The following EPHA6 variants were observed in gnomAD, a reference collection of about 807,000 sequenced individuals.
EPHA6 encodes the protein EPH receptor A6.
EPHA6 carries 50 observed loss-of-function variants against 112.0 expected under a neutral mutation model. The ratio of observed to expected loss-of-function variants is 0.45; its 90% CI spans 0.36 to 0.56. The LOEUF is 0.56. Ranked by LOEUF, EPHA6 falls within the 20% of genes least tolerant of loss-of-function variation. EPHA6 has a pLI of 0.00. For missense variants in EPHA6, 1,280 were observed against 1,417.4 expected (o/e 0.90, Z 1.56); for synonymous variants, 529 against 490.7 (o/e 1.08, Z -1.03).
At chr3:97,365,195 C>A (rs945630523) in intron 5 of EPHA6, among the ~76,000 whole-genome samples, 13 of 152,018 alleles carry the variant, frequency 8.6e-5, no homozygotes, top group African/African-American at 3.1e-4. Context: ...TCATTTAGAA[C>A]TTCTACAGTA....
At chr3:97,085,939 A>ATATATATATC in intron 3 of EPHA6, among the ~76,000 whole-genome samples, 1 of 144,556 alleles carries the variant, frequency 6.9e-6, no homozygotes, top group Admixed American at 6.8e-5. Flanking sequence ...ATATATATAT[A>ATATATATATC]TATATATATA....
At chr3:97,392,218 G>T (rs1035719177) in intron 5 of EPHA6, among the ~76,000 whole-genome samples, 1 of 151,736 alleles carries the variant, frequency 6.6e-6, no homozygotes, top group African/African-American at 2.4e-5. Context: ...GTTAAGATTA[G>T]GTTTACGTAG....
intron 14 of EPHA6, among the ~76,000 whole-genome samples, chr3:97,704,918 A>G (rs2033599425): frequency 6.6e-6 from 1 of 152,158 alleles, no homozygotes; most frequent in Admixed American, 6.6e-5. Flanking sequence ...CTTTCTAGAC[A>G]TGGCAAGATT....
At chr3:97,087,345 A>T (rs2046934511) in intron 3 of EPHA6, among the ~76,000 whole-genome samples, 1 of 152,142 alleles carries the variant, frequency 6.6e-6, no homozygotes, top group African/African-American at 2.4e-5. Flanking sequence ...CCTTTGGAAG[A>T]GCAGCAAGGG....
intron 13 of EPHA6, among the ~76,000 whole-genome samples, chr3:97,636,580 A>T (rs1190418033): frequency 6.6e-6 from 1 of 152,084 alleles, no homozygotes; most frequent in East Asian, 1.9e-4. Flanking sequence ...TCAGAGAGAT[A>T]AGTTGATAGA....
At chr3:96,903,026 G>T (rs2038704043) in intron 2 of EPHA6, among the ~76,000 whole-genome samples, 1 of 152,130 alleles carries the variant, frequency 6.6e-6, no homozygotes, top group Non-Finnish European at 1.5e-5. Flanking sequence ...TAAGGACCAA[G>T]AAGAAACAAA....
intron 14 of EPHA6, among the ~76,000 whole-genome samples, chr3:97,713,839 C>T (rs1283991099): frequency 6.6e-6 from 1 of 152,210 alleles, no homozygotes; most frequent in East Asian, 1.9e-4. Context: ...AGCACTCAAC[C>T]ATAAATGATA....
intron 5 of EPHA6, among the ~76,000 whole-genome samples, chr3:97,317,859 T>G (rs192262044): frequency 6.6e-6 from 1 of 152,056 alleles, no homozygotes; most frequent in East Asian, 1.9e-4. Context: ...CAAAGAGCAA[T>G]TCACACAGAA....
intron 14 of EPHA6, among the ~76,000 whole-genome samples, chr3:97,697,642 A>G (rs1439698697): frequency 6.6e-6 from 1 of 152,220 alleles, no homozygotes; most frequent in Non-Finnish European, 1.5e-5. Context: ...CACTGGTTAG[A>G]TCATGATGAA....
intron 11 of EPHA6, among the ~76,000 whole-genome samples, chr3:97,575,678 C>T (rs1429817716): frequency 6.6e-6 from 1 of 152,074 alleles, no homozygotes; most frequent in Non-Finnish European, 1.5e-5. Flanking sequence ...ATTTTTAAAT[C>T]TGTGGGGAGC....
intron 3 of EPHA6, among the ~76,000 whole-genome samples, chr3:97,069,486 G>C (rs192936654): frequency 2.2e-4 from 33 of 152,210 alleles, no homozygotes; most frequent in Admixed American, 2.0e-3. Flanking sequence ...GAAACCCTAA[G>C]GGTGTTGCAT....
intron 2 of EPHA6, among the ~76,000 whole-genome samples, chr3:96,917,666 A>G (rs967599646): frequency 2.0e-5 from 3 of 152,050 alleles, no homozygotes; most frequent in African/African-American, 7.2e-5. Context: ...AGGAATTCAT[A>G]CAGAGACTTG....
chr3:97,066,990 C>G (rs2046199409), intron 3 of EPHA6, among the ~76,000 whole-genome samples: 1 of 152,084 alleles, frequency 6.6e-6, no homozygotes, highest in African/African-American at 2.4e-5. Flanking sequence ...GGAAGTCTCT[C>G]TCTTTTTTTA....
intron 12 of EPHA6, among the ~76,000 whole-genome samples, chr3:97,608,462 G>A (rs900853146): frequency 2.6e-5 from 4 of 151,304 alleles, no homozygotes; most frequent in African/African-American, 9.7e-5. Context: ...GAGAAACCCA[G>A]TGAATGAGGA....
intron 3 of EPHA6, among the ~76,000 whole-genome samples, chr3:97,060,818 G>A (rs1019166994): frequency 2.7e-5 from 4 of 150,896 alleles, no homozygotes; most frequent in South Asian, 4.2e-4. Flanking sequence ...CAGCTACTCC[G>A]GAGGCTGAGG....
At chr3:97,014,501 T>A (rs1389939935) in intron 3 of EPHA6, among the ~76,000 whole-genome samples, 1 of 152,144 alleles carries the variant, frequency 6.6e-6, no homozygotes, top group Non-Finnish European at 1.5e-5. Context: ...CAAAACTTAT[T>A]TGGAGGAAAT....
chr3:97,277,927 T>G (rs2108656287), intron 5 of EPHA6, among the ~76,000 whole-genome samples: 1 of 152,302 alleles, frequency 6.6e-6, no homozygotes, highest in African/African-American at 2.4e-5. Context: ...AAGAAAGTAA[T>G]TATGCTACAA....
At chr3:96,981,559 T>C (rs189503354) in intron 2 of EPHA6, among the ~76,000 whole-genome samples, 1 of 152,276 alleles carries the variant, frequency 6.6e-6, no homozygotes, top group Admixed American at 6.5e-5. Flanking sequence ...AAGATGATGC[T>C]CGCCTCATAA....
intron 14 of EPHA6, among the ~76,000 whole-genome samples, chr3:97,638,923 C>T (rs1293872437): frequency 6.6e-6 from 1 of 152,090 alleles, no homozygotes; most frequent in East Asian, 1.9e-4. Context: ...TCACTTTACA[C>T]ATTATTTTAA....
Sources: allele counts gnomAD v4.1 joint callset (sites outside exome capture counted in the v4.1 genomes callset), GRCh38; gene constraint gnomAD v4.1.1; transcripts MANE v1.5; gene names NCBI Gene and HGNC (gene_info 2026-07-23, HGNC 2026-07-21).